Variants in CACNA1G observed in about 807,000 individuals in gnomAD.
CACNA1G encodes voltage-dependent T-type calcium channel subunit alpha-1G.
A neutral mutation model predicts 219.4 loss-of-function variants in CACNA1G; 67 were observed. The observed-to-expected ratio is 0.31, with a 90% CI of 0.25 to 0.37. The LOEUF (loss-of-function observed/expected upper bound fraction) is 0.37. Ranked by LOEUF, CACNA1G falls within the 10% of genes least tolerant of loss-of-function variation. The pLI is 1.00. For synonymous variants in CACNA1G, 1,296 were observed against 1,345.3 expected (o/e 0.96, Z 0.80); for missense variants, 2,380 against 3,231.4 (o/e 0.74, Z 6.39).
At chr17:50,593,040 C>T (rs541488289) in intron 13 of CACNA1G, among the ~76,000 whole-genome samples, 44 of 152,302 alleles carry the variant, frequency 2.9e-4, no homozygotes, top group Admixed American at 2.4e-3. Flanking sequence ...TCTTTCTCCC[C>T]GCTACCCTTT....
intron 27 of CACNA1G, among the ~76,000 whole-genome samples, chr17:50,615,779 T>A (rs966165066): frequency 4.6e-5 from 7 of 152,222 alleles, no homozygotes; most frequent in African/African-American, 1.7e-4. Context: ...ATGTTGAGCG[T>A]CTACTATGAG....
chr17:50,569,515 G>A (rs940632382), intron 3 of CACNA1G, among the ~76,000 whole-genome samples, 191 bp from the exon 4 acceptor site: 2 of 151,992 alleles, frequency 1.3e-5, no homozygotes, highest in Non-Finnish European at 2.9e-5. Context: ...TTCTCTGATG[G>A]GCAATCTGTC....
At chr17:50,605,460 G>T (rs970004286) in intron 22 of CACNA1G, among the ~76,000 whole-genome samples, 3 of 152,180 alleles carry the variant, frequency 2.0e-5, no homozygotes, top group Non-Finnish European at 4.4e-5. Context: ...CAGCTCAGTG[G>T]TTCTCAAACT....
In CACNA1G at chr17:50,572,773, C is replaced by T. The variant is rs1359292751; in HGVS notation, c.966C>T (p.Asn322=). Residue 322 remains asparagine (N), a synonymous_variant, in exon 6 of 38, where the codon AAC becomes AAT. Coordinates refer to ENST00000359106, the MANE Select transcript of CACNA1G (RefSeq NM_018896.5). ...TCVNWNQYYT[N]CSAGEHNPFK... is the part of the protein sequence containing the mutation. ...TCAACTGGAACCAGTACTACACCAA[C>T]TGCTCAGCGGGGGAGCACAACCCCT... 6.2e-7 allele frequency: 1 copy of T among 1,613,926 alleles called. No individual in the cohort carries two copies. The highest frequency in any genetic ancestry group is 8.5e-7 in the Non-Finnish European group (1 of 1,179,904).
chr17:50,605,795 T>A, intron 22 of CACNA1G, 103 bp from the exon 23 acceptor site: 1 of 1,281,308 alleles, frequency 7.8e-7, no homozygotes, highest in Non-Finnish European at 1.1e-6. Context: ...CACCCCACAC[T>A]CACTCAAAAT....
At chr17:50,610,837 T>C (rs2049037445) in intron 26 of CACNA1G, among the ~76,000 whole-genome samples, 1 of 152,206 alleles carries the variant, frequency 6.6e-6, no homozygotes, top group African/African-American at 2.4e-5. Flanking sequence ...TAATCACAGC[T>C]TCTGAGCTGC....
chr17:50,594,150 G>A (rs1007980250), intron 13 of CACNA1G, among the ~76,000 whole-genome samples: 4 of 152,232 alleles, frequency 2.6e-5, no homozygotes, highest in African/African-American at 9.6e-5. Flanking sequence ...CAAGAGCTAG[G>A]AGGGGGTGGT....
intron 37 of CACNA1G, among the ~76,000 whole-genome samples, chr17:50,625,497 G>A (rs1271179913): frequency 1.3e-5 from 2 of 152,236 alleles, no homozygotes; most frequent in Admixed American, 6.5e-5. Flanking sequence ...TCAGCTCACA[G>A]CTGCCAGACA....
At chr17:50,585,491 TG>T (rs1253774064) in intron 9 of CACNA1G, among the ~76,000 whole-genome samples, 1 of 151,814 alleles carries the variant, frequency 6.6e-6, no homozygotes, top group East Asian at 1.9e-4. Flanking sequence ...GGGGTGCTGG[TG>T]GGGGGAATAA....
chr17:50,569,677 AG>A lies in CACNA1G; in HGVS notation c.489-26del, dbSNP rs1327233425. ...GACCCCACTGTGGCCTCAGACTCAAAGGGCCTCCCTTTGGGCCCCTCCCTGC... is the reference window on the plus strand; with the variant it reads ...GACCCCACTGTGGCCTCAGACTCAAAGGCCTCCCTTTGGGCCCCTCCCTGC... On this transcript the variant is annotated intron_variant, in intron 3 of 37. Transcript: ENST00000359106. The A allele has an allele frequency of 2.0e-6, 3 of 1,510,026 alleles. No individual in the cohort carries two copies. In the African/African-American group the frequency reaches 4.2e-5, roughly 21 times the overall value. 93.5% of individuals were successfully genotyped at this position (1,510,026 alleles called of 1,614,324 possible). A position where few individuals can be genotyped will look rare whatever the true frequency, so the allele number is the denominator to read the frequency against.
chr17:50,592,991 G>C (rs2044667980), intron 13 of CACNA1G, among the ~76,000 whole-genome samples: 1 of 152,206 alleles, frequency 6.6e-6, no homozygotes, highest in South Asian at 2.1e-4. Context: ...CTGTGGGCCG[G>C]CTGGGTTGGT....
rs2046188955 is a variant in CACNA1G, at chr17:50,599,479, A to C, written c.3310A>C (p.Thr1104Pro). The change falls in exon 17 of 38, where the codon ACC becomes CCC. Residue 1104 changes from threonine (T) to proline (P), a missense_variant. Transcript: ENST00000359106. Reference protein sequence around the residue: ...HSPWSAASSWTSRRSSRNSLG... With the variant: ...HSPWSAASSWPSRRSSRNSLG... ...CCCCTGGAGCGCTGCAAGCAGCTGG[A>C]CCAGCAGGCGCTCCAGCCGGAACAG... 1 of 1,587,392 alleles carries C rather than the reference A, an allele frequency of 6.3e-7. No homozygotes were observed. Among genetic ancestry groups the C allele is most frequent in the African/African-American group, 1.3e-5 (1 of 74,384 alleles).
Position 50,561,556 on chromosome 17 carries a change from G to T in CACNA1G, c.97G>T (p.Gly33Trp), listed in dbSNP as rs889460223. 1.9e-6 allele frequency: 3 copies of T among 1,543,662 alleles called. No homozygotes were observed. Among genetic ancestry groups the T allele is most frequent in the Non-Finnish European group, 2.6e-6 (3 of 1,148,010 alleles). The change falls in exon 1 of 38, where the codon GGG becomes TGG. Residue 33 changes from glycine to tryptophan, a missense_variant. Physicochemically the swap from Gly to Trp is radical, Grantham distance 184. Coordinates refer to ENST00000359106, the MANE Select transcript of CACNA1G (RefSeq NM_018896.5). ...NDLSGAGGRP[G>W]PGSAEKDPGS... Reference sequence around the variant, plus strand: ...CCTGTCGGGGGCCGGGGGCCGGCCGGGGCCGGGGTCAGCAGAAAAGGACCC... The same window carrying T: ...CCTGTCGGGGGCCGGGGGCCGGCCGTGGCCGGGGTCAGCAGAAAAGGACCC...
rs558527814 is a variant in CACNA1G, at chr17:50,615,540, C to T, written c.4911+28C>T. 4.3e-5 allele frequency: 68 copies of T among 1,598,656 alleles called. No homozygotes were observed. The East Asian group carries it at 1.4e-3, about 32-fold the overall frequency. ...AGGAGCGAGTGGACCAGCCATCTGG[C>T]CCCCCCACCTCCAGCTGAGGAACCT... On this transcript the variant is annotated intron_variant, in intron 27 of 37. Coordinates refer to ENST00000359106, the MANE Select transcript of CACNA1G (RefSeq NM_018896.5).
intron 7 of CACNA1G, among the ~76,000 whole-genome samples, chr17:50,574,449 C>T (rs1169949413): frequency 2.0e-5 from 3 of 152,208 alleles, no homozygotes; most frequent in Non-Finnish European, 4.4e-5. Context: ...TCCCCTGGTG[C>T]AGAAGAGTGG....
rs1347612203 is a variant in CACNA1G, at chr17:50,560,948, AC to A, written c.-508del. ...AGCCGCCCCCACCCCCTCCAAGCCC[AC>A]CCCTAAAGAGATCCCTCCTCCCCTC... is the stretch of plus-strand genomic sequence containing the variant. On this transcript the variant is annotated 5_prime_UTR_variant, in exon 1 of 38. Coordinates refer to ENST00000359106, the MANE Select transcript of CACNA1G (RefSeq NM_018896.5). 2 of 15,494 alleles carry A rather than the reference AC, an allele frequency of 1.3e-4. No individual in the cohort carries two copies. Among genetic ancestry groups the A allele is most frequent in the African/African-American group, 3.1e-4 (1 of 3,178 alleles). The allele number at this position is 15,494 out of a possible 1,614,324, so 1.0% of individuals were successfully genotyped here. A position where few individuals can be genotyped will look rare whatever the true frequency, so the allele number is the denominator to read the frequency against.
At chr17:50,581,021 T>G (rs1358742485) in intron 9 of CACNA1G, among the ~76,000 whole-genome samples, 20 of 107,674 alleles carry the variant, frequency 1.9e-4, no homozygotes, top group Admixed American at 4.1e-4. Context: ...CAGAGACACA[T>G]GGGGGAATGG....
At position 50,627,212 on chromosome 17, in the gene CACNA1G, C is replaced by T. The variant is rs1348195330; in HGVS notation, c.*461C>T. ...TAACAGTCTAGTTATATTCCCTCTT[C>T]TTGCAAAGCACAAGCTGGGACCGCG... On this transcript the variant is annotated 3_prime_UTR_variant, in exon 38 of 38. Transcript: ENST00000359106. The T allele has an allele frequency of 4.4e-6, 2 of 454,478 alleles. No homozygotes were observed. Among genetic ancestry groups the T allele is most frequent in the Non-Finnish European group, 8.8e-6 (2 of 227,092 alleles). 28.2% of individuals were successfully genotyped at this position (454,478 alleles called of 1,614,324 possible).
At chr17:50,576,362 G>A (rs753890471) in intron 8 of CACNA1G, 36 bp downstream of exon 8, 64 of 1,550,696 alleles carry the variant, frequency 4.1e-5, no homozygotes, top group South Asian at 1.2e-4. Flanking sequence ...GGGTGCCCTC[G>A]TCTGGGGACT....
Sources: gnomAD v4.1 joint callset for allele counts (sites outside exome capture counted in the v4.1 genomes callset) on GRCh38, gnomAD v4.1.1 for gene constraint, MANE v1.5 for transcripts, NCBI Gene and HGNC (gene_info 2026-07-23, HGNC 2026-07-21) for gene names.